The following MEGF6 variants were observed in gnomAD, a reference collection of about 807,000 sequenced individuals.
MEGF6 encodes the protein multiple epidermal growth factor-like domains protein 6.
MEGF6 carries 184 observed loss-of-function variants against 207.1 expected under a neutral mutation model. The observed-to-expected ratio is 0.89, with a 90% CI of 0.79 to 1.00. MEGF6 has a LOEUF of 1.00. MEGF6 is among the 50% of genes least tolerant of loss of function. MEGF6 has a pLI of 0.00. For missense variants in MEGF6, 2,282 were observed against 2,202.9 expected, an observed-to-expected ratio of 1.04 and a Z score of -0.72; for synonymous variants, 1,038 against 910.0, an observed-to-expected ratio of 1.14 and a Z score of -2.53.
intron 36 of MEGF6, 120 bp from the exon 37 acceptor site, chr1:3,490,709 T>TGGGTGGGGCCCA: frequency 9.7e-7 from 1 of 1,025,906 alleles, no homozygotes; most frequent in East Asian, 3.2e-5. Context: ...GCCCAGCAGG[T>TGGGTGGGGCCCA]GGGTGGGGCC....
upstream of MEGF6, among the ~76,000 whole-genome samples, chr1:3,612,295 GC>G (rs139174924): frequency 0.011 from 1,656 of 152,152 alleles, 40 homozygotes; most frequent in African/African-American, 0.037. Flanking sequence ...GTGCCCATGG[GC>G]ACAGAGGCAC....
Position 3,498,269 on chromosome 1 carries a change from G to A in MEGF6, c.3352+102C>T. On this transcript the variant is annotated intron_variant, in intron 26 of 36. Transcript: ENST00000356575. ...CATTCACAGGACAACAGGTCCCCTG[G>A]TGAGGCCCCAAACCGGGCACAGTCC... 8 of 1,395,648 alleles carry A rather than the reference G, an allele frequency of 5.7e-6. 1 individual carries two copies. In the South Asian group the frequency reaches 1.1e-4, roughly 20 times the overall value. The allele number at this position is 1,395,648 out of a possible 1,614,324, so 86.5% of individuals were successfully genotyped here.
At chr1:3,536,954 C>T (rs1471422235) in intron 4 of MEGF6, among the ~76,000 whole-genome samples, 4 of 152,282 alleles carry the variant, frequency 2.6e-5, no homozygotes, top group East Asian at 1.9e-4. Context: ...CAAGGCCCCC[C>T]TCCAGCCTTG....
chr1:3,610,711 C>T (rs1054589146), intron 1 of MEGF6, among the ~76,000 whole-genome samples: 57 of 152,242 alleles, frequency 3.7e-4, no homozygotes, highest in Non-Finnish European at 6.8e-4. Flanking sequence ...CCCATCTGGG[C>T]ACTGCTCGCC....
At chr1:3,507,966 C>A (rs200512594) in intron 13 of MEGF6, 43 bp from the exon 14 acceptor site, 1 of 1,591,834 alleles carries the variant, frequency 6.3e-7, no homozygotes, top group Admixed American at 1.7e-5. Flanking sequence ...CCAGCCAGCA[C>A]GACACTCTGA....
chr1:3,579,712 C>T (rs551754582), intron 4 of MEGF6, 113 bp downstream of exon 4: 15 of 651,034 alleles, frequency 2.3e-5, no homozygotes, highest in East Asian at 2.1e-4. Flanking sequence ...CCCGTTCACT[C>T]GGGGTGTCCC....
rs368600077 is a variant in MEGF6 at position 3,512,028 on chromosome 1, G to A, written c.954C>T (p.Gly318=). The A allele has an allele frequency of 7.8e-5, 126 of 1,612,574 alleles. No homozygotes were observed. In the African/African-American group the frequency reaches 9.3e-4, roughly 12 times the overall value. ...CACGGTAGCACTGCCGGCCATCGGCGCCCAGCTCATAGCCCGCGTGACACA... is the reference window on the plus strand; with the variant it reads ...CACGGTAGCACTGCCGGCCATCGGCACCCAGCTCATAGCCCGCGTGACACA... ...KCVCHAGYEL[G]ADGRQCYRIE... Residue 318 remains glycine, a synonymous_variant, in exon 8 of 37, where the codon GGC becomes GGT. Coordinates refer to ENST00000356575, the MANE Select transcript of MEGF6 (RefSeq NM_001409.4).
intron 4 of MEGF6, among the ~76,000 whole-genome samples, chr1:3,537,282 C>A (rs1570086831): frequency 2.0e-5 from 3 of 152,352 alleles, no homozygotes; most frequent in Admixed American, 2.0e-4. Context: ...AGACCCAGCA[C>A]CTGGCATGAA....
At chr1:3,501,498 G>A (rs1640864777) in intron 18 of MEGF6, among the ~76,000 whole-genome samples, 190 bp from the exon 19 acceptor site, 2 of 152,062 alleles carry the variant, frequency 1.3e-5, no homozygotes, top group Admixed American at 1.3e-4. Flanking sequence ...CGCACCCACA[G>A]TAGAGGACCC....
rs969251304 is a variant in MEGF6, at chr1:3,603,238, C to T, written c.132-638G>A. Among the ~76,000 whole-genome samples the T allele has an allele frequency of 2.0e-5, 3 of 152,202 alleles. No homozygotes were observed. The East Asian group carries it at 5.8e-4, about 29-fold the overall frequency. ...GGGGAGGGGGCATGCCAGGGACAGG[C>T]ACCTTAAGCCAGCCATCCAGACCCC... On this transcript the variant is annotated intron_variant, in intron 1 of 36. Coordinates refer to ENST00000356575, the MANE Select transcript of MEGF6 (RefSeq NM_001409.4).
At chr1:3,504,590 C>T (rs941056233) in intron 17 of MEGF6, among the ~76,000 whole-genome samples, 4 of 152,172 alleles carry the variant, frequency 2.6e-5, no homozygotes, top group East Asian at 3.9e-4. Flanking sequence ...GGAATCGCGT[C>T]GGGCAGTTGG....
chr1:3,559,376 G>A (rs953023047), intron 4 of MEGF6, among the ~76,000 whole-genome samples: 6 of 152,044 alleles, frequency 3.9e-5, no homozygotes, highest in Admixed American at 3.9e-4. Context: ...TCAACTTGCA[G>A]CCCAGCAAGG....
Position 3,496,801 on chromosome 1 carries a change from A to G in MEGF6, c.3614-18T>C, listed in dbSNP as rs1443702563. 12 of 1,550,792 alleles carry G rather than the reference A, an allele frequency of 7.7e-6. No individual in the cohort carries two copies. The African/African-American group carries it at 1.2e-4, about 16-fold the overall frequency. On this transcript the variant is annotated intron_variant, in intron 28 of 36. Coordinates refer to ENST00000356575, the MANE Select transcript of MEGF6 (RefSeq NM_001409.4). ...CGGACATCCTGCAGGGAGAGGGGCT[A>G]GCTGCAGGGGCTGGGGCTGGAGGCT...
At chr1:3,591,472 A>T (rs960129777) in intron 3 of MEGF6, among the ~76,000 whole-genome samples, 1 of 152,190 alleles carries the variant, frequency 6.6e-6, no homozygotes, top group African/African-American at 2.4e-5. Context: ...CTCTAAGAAC[A>T]AGAGCTGGCA....
intron 3 of MEGF6, among the ~76,000 whole-genome samples, chr1:3,585,922 TGACACATGTCCTGTGTGTGGGTGTGAG>T (rs1643887186): frequency 7.4e-6 from 1 of 134,766 alleles, no homozygotes; most frequent in Admixed American, 7.4e-5. Flanking sequence ...TGGGTGTGAG[TGACACATGTCCTGTGTGTGGGTGTGAG>T]GACGCATGTC....
rs2101714108 is a variant in MEGF6 at position 3,573,495 on chromosome 1, A to G, written c.481+6330T>C. 6.6e-6 allele frequency among the ~76,000 whole-genome samples: 1 copy of G among 152,318 alleles called. No homozygotes were observed. Among genetic ancestry groups the G allele is most frequent in the Admixed American group, 6.5e-5 (1 of 15,312 alleles). ...TAACCCGAGGCCACGTCCACAGGAC[A>G]AAGCTGAGATGCCTCCCCAGGAATC... On this transcript the variant is annotated intron_variant, in intron 4 of 36. Transcript: ENST00000356575. This position sits in a 1 kb window ranked among gnomAD's most constrained non-coding sequence, Gnocchi z 5.1.
At position 3,597,017 on chromosome 1, in the gene MEGF6, C is replaced by T. The variant is rs116236688; in HGVS notation, c.267-1570G>A. ...GCCGCCAACCACCCGCTCCATGCCC[C>T]CTAAAGTGAAAGACCCTTGGAGAGG... On this transcript the variant is annotated intron_variant, in intron 2 of 36. Transcript: ENST00000356575. Among the ~76,000 whole-genome samples the T allele has an allele frequency of 9.4e-3, 1,430 of 152,300 alleles. 7 individuals are homozygous for T. The highest frequency in any genetic ancestry group is 0.02 in the Middle Eastern group (6 of 294).
chr1:3,561,186 C>T (rs977876262), intron 4 of MEGF6, among the ~76,000 whole-genome samples: 15 of 152,162 alleles, frequency 9.9e-5, no homozygotes, highest in African/African-American at 3.1e-4. Context: ...GGGGGAGATG[C>T]AGGCTTTGAG....
At chr1:3,538,959 T>A (rs1486630565) in intron 4 of MEGF6, among the ~76,000 whole-genome samples, 3 of 152,108 alleles carry the variant, frequency 2.0e-5, no homozygotes, top group Admixed American at 6.5e-5. Flanking sequence ...ATGCCCCAGG[T>A]CTCACACTGT....
Sources: gnomAD v4.1 joint callset for allele counts (sites outside exome capture counted in the v4.1 genomes callset) on GRCh38, gnomAD v4.1.1 for gene constraint, Gnocchi (gnomAD v3.1) non-coding constraint, MANE v1.5 for transcripts, NCBI Gene and HGNC (gene_info 2026-07-23, HGNC 2026-07-21) for gene names.